The following GCM1 variants were observed in gnomAD, a reference collection of about 807,000 sequenced individuals.
GCM1 encodes the protein GCM transcription factor 1, also known as chorion-specific transcription factor GCMa.
Under a neutral mutation model 25.7 loss-of-function variants are expected in GCM1, and 2 were observed. That is an observed-to-expected ratio of 0.08 (90% CI 0.03 to 0.24). The LOEUF is 0.24. Ranked by LOEUF, GCM1 falls within the 10% of genes least tolerant of loss-of-function variation. The pLI, the probability that GCM1 is intolerant of heterozygous loss-of-function variation, is 1.00. For synonymous variants in GCM1, 183 were observed against 195.7 expected (o/e 0.94, Z 0.54); for missense variants, 395 against 538.7 (o/e 0.73, Z 2.64).
intron 3 of GCM1, among the ~76,000 whole-genome samples, chr6:53,133,147 T>C (rs577552162): frequency 3.9e-5 from 6 of 152,210 alleles, no homozygotes; most frequent in Admixed American, 6.5e-5. Flanking sequence ...CATTGATGAA[T>C]TAACATTAAC....
chr6:53,140,049 T>C (rs1763852677), intron 2 of GCM1, among the ~76,000 whole-genome samples: 1 of 152,048 alleles, frequency 6.6e-6, no homozygotes, highest in African/African-American at 2.4e-5. Context: ...AATGCTCCTA[T>C]CTGTATCACA....
chr6:53,143,844 G>A (rs913464498), intron 2 of GCM1, among the ~76,000 whole-genome samples: 2 of 151,900 alleles, frequency 1.3e-5, no homozygotes, highest in African/African-American at 2.4e-5. Flanking sequence ...GAGGGGTAGA[G>A]GGGGTGGGGT....
In GCM1 at chr6:53,128,685, C is replaced by T. The variant is rs3799268; in HGVS notation, c.832G>A (p.Asp278Asn). The T allele has an allele frequency of 2.5e-6, 4 of 1,614,160 alleles. No homozygotes were observed. In the East Asian group the frequency reaches 8.9e-5, roughly 36 times the overall value. The change falls in exon 6 of 6, where the codon GAC becomes AAC. Residue 278 changes from aspartate to asparagine, a missense_variant. Physicochemically the swap from Asp to Asn is conservative, Grantham distance 23. Transcript: ENST00000259803. Reference sequence around the variant, plus strand: ...CCGGAGGCAGAAGGAGGAAGCAGGTCTCCACTACTGTAGGTTCTGCTACTG... The same window carrying T: ...CCGGAGGCAGAAGGAGGAAGCAGGTTTCCACTACTGTAGGTTCTGCTACTG... ...LSSSRTYSSG[D>N]LLPPSASGVY...
chr6:53,140,530 C>CAAAAAAA (rs10629921), intron 2 of GCM1, among the ~76,000 whole-genome samples: 2 of 128,548 alleles, frequency 1.6e-5, no homozygotes, highest in African/African-American at 2.8e-5. Flanking sequence ...TTCTCTCTAC[C>CAAAAAAA]AAAAAAAAAA....
chr6:53,134,476 T>C (rs917661200), intron 2 of GCM1, 152 bp from the exon 3 acceptor site: 1 of 699,180 alleles, frequency 1.4e-6, no homozygotes, highest in African/African-American at 1.8e-5. Context: ...ATTCTGACAG[T>C]GGGATCAGCG....
rs781073181 is a variant in GCM1 at position 53,131,982 on chromosome 6, C to G, written c.441+25G>C. 8 of 1,291,130 alleles carry G rather than the reference C, an allele frequency of 6.2e-6. No individual in the cohort carries two copies. The Admixed American group carries it at 1.2e-4, about 19-fold the overall frequency. 80.0% of individuals were successfully genotyped at this position (1,291,130 alleles called of 1,614,324 possible). ...TGAAACTCCTCAGTAATGAAACTCT[C>G]ACGTAACTAACTCAAAAATCCAACC... On this transcript the variant is annotated intron_variant, in intron 4 of 5. Transcript: ENST00000259803.
At chr6:53,142,603 T>TCC (rs1763891195) in intron 2 of GCM1, among the ~76,000 whole-genome samples, 2 of 152,166 alleles carry the variant, frequency 1.3e-5, no homozygotes, top group Admixed American at 1.3e-4. Context: ...AATTCCTATT[T>TCC]TCATTCTACA....
At chr6:53,141,490 A>T (rs1763872210) in intron 2 of GCM1, among the ~76,000 whole-genome samples, 1 of 151,908 alleles carries the variant, frequency 6.6e-6, no homozygotes. Context: ...GATCGAGACC[A>T]TCCTGGCTAA....
At chr6:53,130,677 T>C in intron 5 of GCM1, 126 bp downstream of exon 5, 1 of 686,418 alleles carries the variant, frequency 1.5e-6, no homozygotes, top group East Asian at 2.6e-5. Flanking sequence ...TGCTTGTTTG[T>C]AGATGAGCCT....
At chr6:53,132,216 G>A (rs1305570311) in intron 3 of GCM1, 97 bp from the exon 4 acceptor site, 17 of 782,502 alleles carry the variant, frequency 2.2e-5, no homozygotes, top group African/African-American at 6.8e-5. Flanking sequence ...ACTCAAGGAC[G>A]GCAGAGTATA....
intron 3 of GCM1, among the ~76,000 whole-genome samples, chr6:53,132,632 A>C (rs1763741769): frequency 6.6e-6 from 1 of 152,184 alleles, no homozygotes; most frequent in Admixed American, 6.5e-5. Flanking sequence ...GAATCGCTTG[A>C]ACCTGGGAGG....
intron 1 of GCM1, among the ~76,000 whole-genome samples, chr6:53,147,313 A>C (rs1429942050): frequency 6.6e-6 from 1 of 152,154 alleles, no homozygotes; most frequent in Non-Finnish European, 1.5e-5. Context: ...TTATAAAAAC[A>C]AGAGACATAA....
Position 53,128,814 on chromosome 6 carries a change from A to C in GCM1, c.703T>G (p.Cys235Gly). 6.2e-7 allele frequency: 1 copy of C among 1,613,896 alleles called. No individual in the cohort carries two copies. Among genetic ancestry groups the C allele is most frequent in the South Asian group, 1.1e-5 (1 of 91,078 alleles). ...NTPQQNSLND[C>G]FSFSKSYGLG... The stretch of plus-strand genomic sequence containing the variant: ...CCATAACTCTTGGAGAAGGAAAAGC[A>C]ATCATTTAGTGAGTTCTGCTGAGGA... Residue 235 changes from cysteine (C) to glycine (G), a missense_variant, in exon 6 of 6, where the codon TGC (cysteine) becomes GGC (glycine). This residue lies in a region of GCM1 where 291 missense variants were observed against 314.6 expected (regional missense o/e 0.92). Transcript: ENST00000259803.
Position 53,128,425 on chromosome 6 carries a change from A to T in GCM1, c.1092T>A (p.Tyr364Ter). 2 of 1,614,144 alleles carry T rather than the reference A, an allele frequency of 1.2e-6. No individual in the cohort carries two copies. The highest frequency in any genetic ancestry group is 2.2e-5 in the South Asian group (2 of 91,090). ...TAAAATCCACATGTACTTTCTCTTC[A>T]TAAAGATTACCCGCTGGATTTGGCC... ...PLWPNPAGNL[Y>*]EEKVHVDFNS... Residue 364 changes from tyrosine to a stop codon, truncating the protein, a stop_gained, in exon 6 of 6, where the codon TAT becomes TAA. Coordinates refer to ENST00000259803, the MANE Select transcript of GCM1 (RefSeq NM_003643.4). LOFTEE classifies it low-confidence loss of function (END_TRUNC).
intron 2 of GCM1, among the ~76,000 whole-genome samples, chr6:53,144,726 G>A (rs1461751582): frequency 6.6e-6 from 1 of 151,888 alleles, no homozygotes; most frequent in Non-Finnish European, 1.5e-5. Context: ...ACCAGCCCGG[G>A]CAACATGGCA....
Position 53,134,088 on chromosome 6 carries a change from G to A in GCM1, c.312C>T (p.Ala104=), listed in dbSNP as rs759072350. ...IYLRPAICDK[A]RQKQQRKRCP... is the part of the protein sequence containing the mutation. ...TCTACTCACGCTGCTGCTTCTGCCG[G>A]GCCTTGTCACAGATGGCAGGTCTCA... Residue 104 remains alanine, a synonymous_variant, in exon 3 of 6, where the codon GCC becomes GCT. Transcript: ENST00000259803. 3 of 1,613,912 alleles carry A rather than the reference G, an allele frequency of 1.9e-6. No individual in the cohort carries two copies. The Admixed American group carries it at 5.0e-5, about 27-fold the overall frequency.
intron 4 of GCM1, 23 bp from the exon 5 acceptor site, chr6:53,130,954 A>G: frequency 6.2e-7 from 1 of 1,605,446 alleles, no homozygotes; most frequent in South Asian, 1.1e-5. Flanking sequence ...AAGGAAGTAG[A>G]AAGGAAATGA....
At chr6:53,137,319 TC>T (rs1763815389) in intron 2 of GCM1, among the ~76,000 whole-genome samples, 1 of 152,130 alleles carries the variant, frequency 6.6e-6, no homozygotes, top group Non-Finnish European at 1.5e-5. Context: ...TGAGAGAAGC[TC>T]CCCAGGCAGC....
chr6:53,130,323 T>A (rs933865703), intron 5 of GCM1, among the ~76,000 whole-genome samples: 1 of 152,154 alleles, frequency 6.6e-6, no homozygotes, highest in Non-Finnish European at 1.5e-5. Flanking sequence ...GGGAGTAGCC[T>A]CCACTCCACT....
Sources: allele counts gnomAD v4.1 joint callset (sites outside exome capture counted in the v4.1 genomes callset), GRCh38; gene constraint gnomAD v4.1.1; regional missense constraint gnomAD v4.1.1; transcripts MANE v1.5; gene names NCBI Gene and HGNC (gene_info 2026-07-23, HGNC 2026-07-21).